The following EPHA6 variants were observed in gnomAD, a reference collection of about 807,000 sequenced individuals.
The protein encoded by EPHA6 is EPH receptor A6.
Under a neutral mutation model 112.0 loss-of-function variants are expected in EPHA6, and 50 were observed. The ratio of observed to expected loss-of-function variants is 0.45; its 90% CI spans 0.36 to 0.56. The LOEUF is 0.56. Among genes scored for constraint, EPHA6 ranks in the 20% least tolerant of loss-of-function variants. The pLI is 0.00. For missense variants in EPHA6, 1,280 were observed against 1,417.4 expected (o/e 0.90, Z 1.56); for synonymous variants, 529 against 490.7 (o/e 1.08, Z -1.03).
chr3:97,711,590 A>C (rs1330940096), intron 14 of EPHA6, among the ~76,000 whole-genome samples: 1 of 152,104 alleles, frequency 6.6e-6, no homozygotes, highest in Non-Finnish European at 1.5e-5. Flanking sequence ...CAAAGTCCAA[A>C]GGTCTAAGAA....
chr3:97,409,839 C>T (rs2087594847), intron 6 of EPHA6, among the ~76,000 whole-genome samples: 1 of 151,938 alleles, frequency 6.6e-6, no homozygotes, highest in Admixed American at 6.6e-5. Context: ...TTTAAGAAAA[C>T]TCATCATGAA....
chr3:97,619,478 T>C (rs1481250380), intron 13 of EPHA6, among the ~76,000 whole-genome samples: 2 of 149,584 alleles, frequency 1.3e-5, no homozygotes, highest in Non-Finnish European at 3.0e-5. Flanking sequence ...GTCAAACTTA[T>C]CCCTGTTTGT....
intron 6 of EPHA6, among the ~76,000 whole-genome samples, chr3:97,415,094 T>A (rs1344971108): frequency 6.6e-6 from 1 of 152,056 alleles, no homozygotes; most frequent in Non-Finnish European, 1.5e-5. Flanking sequence ...CAGTTTATCA[T>A]GCAAACATTG....
At chr3:96,882,403 ATGAG>A (rs2037366729) in intron 2 of EPHA6, among the ~76,000 whole-genome samples, 1 of 152,118 alleles carries the variant, frequency 6.6e-6, no homozygotes. Context: ...GGTTACATGC[ATGAG>A]TAAGTTCTTT....
intron 3 of EPHA6, among the ~76,000 whole-genome samples, chr3:97,223,898 A>G (rs2078275478): frequency 6.6e-6 from 1 of 152,182 alleles, no homozygotes; most frequent in Admixed American, 6.5e-5. Flanking sequence ...GAATGTAATG[A>G]ATAGATTTCT....
chr3:97,747,705 A>G, intron 17 of EPHA6, 133 bp downstream of exon 17: 2 of 695,670 alleles, frequency 2.9e-6, no homozygotes, highest in Non-Finnish European at 4.1e-6. Context: ...TCTGACTATC[A>G]TTCTAGTGGA....
intron 13 of EPHA6, among the ~76,000 whole-genome samples, chr3:97,630,704 G>T (rs559822895): frequency 6.6e-6 from 1 of 152,032 alleles, no homozygotes; most frequent in East Asian, 1.9e-4. Flanking sequence ...AAGATGAAAC[G>T]TCCAATAAGA....
intron 8 of EPHA6, among the ~76,000 whole-genome samples, chr3:97,476,489 G>A (rs77610650): frequency 0.015 from 2,330 of 152,124 alleles, 56 homozygotes; most frequent in African/African-American, 0.052. Context: ...TCAGTGAACC[G>A]AAAACACTAT....
At chr3:97,308,581 A>G (rs1000899735) in intron 5 of EPHA6, among the ~76,000 whole-genome samples, 4 of 151,732 alleles carry the variant, frequency 2.6e-5, no homozygotes, top group African/African-American at 9.7e-5. Context: ...TCTTTCAAAA[A>G]TCCAACTGAA....
intron 3 of EPHA6, among the ~76,000 whole-genome samples, chr3:97,136,544 C>G (rs1191157642): frequency 2.6e-5 from 4 of 151,878 alleles, no homozygotes; most frequent in Admixed American, 1.3e-4. Flanking sequence ...CAGTGAGACC[C>G]CGTCTCTAGA....
At chr3:96,974,205 T>C (rs2042430412) in intron 2 of EPHA6, among the ~76,000 whole-genome samples, 1 of 147,306 alleles carries the variant, frequency 6.8e-6, no homozygotes, top group African/African-American at 2.5e-5. Context: ...ATTAAAATTA[T>C]ATTATTAATT....
At chr3:97,134,207 A>C (rs1328123146) in intron 3 of EPHA6, among the ~76,000 whole-genome samples, 1 of 152,118 alleles carries the variant, frequency 6.6e-6, no homozygotes, top group Non-Finnish European at 1.5e-5. Flanking sequence ...ACATATGAAA[A>C]TAGCAACTCT....
At chr3:97,250,937 G>A (rs1014565911) in intron 5 of EPHA6, among the ~76,000 whole-genome samples, 4 of 151,524 alleles carry the variant, frequency 2.6e-5, no homozygotes, top group African/African-American at 9.7e-5. Context: ...CATGGTCTTG[G>A]CTCACTGCAA....
intron 2 of EPHA6, among the ~76,000 whole-genome samples, chr3:96,959,691 T>C (rs907194387): frequency 6.6e-6 from 1 of 151,984 alleles, no homozygotes; most frequent in Non-Finnish European, 1.5e-5. Flanking sequence ...AAGGAAGGGG[T>C]CTGACTCATT....
At chr3:97,556,936 T>C (rs1378991394) in intron 11 of EPHA6, among the ~76,000 whole-genome samples, 1 of 152,094 alleles carries the variant, frequency 6.6e-6, no homozygotes, top group Non-Finnish European at 1.5e-5. Context: ...TAAAACTGTG[T>C]TATTTTCCAG....
Position 96,841,519 on chromosome 3 carries a change from T to A in EPHA6, c.386-25306T>A, listed in dbSNP as rs1055567809. 2.0e-5 allele frequency among the ~76,000 whole-genome samples: 3 copies of A among 152,034 alleles called. No individual in the cohort carries two copies. The South Asian group carries it at 6.2e-4, about 31-fold the overall frequency. The stretch of plus-strand genomic sequence containing the variant: ...GACTAGTTTGTCCAATGAATGTAGA[T>A]CAGAAGAAATGGGTGTGTTACATTA... On this transcript the variant is annotated intron_variant, in intron 1 of 17. Coordinates refer to ENST00000389672, the MANE Select transcript of EPHA6 (RefSeq NM_001080448.3).
intron 10 of EPHA6, among the ~76,000 whole-genome samples, chr3:97,509,032 T>C (rs2092315270): frequency 7.1e-6 from 1 of 141,096 alleles, no homozygotes; most frequent in Non-Finnish European, 1.5e-5. Flanking sequence ...TGCTTTCCAT[T>C]TGCTTGGGAG....
chr3:97,321,490 A>T (rs771834231), intron 5 of EPHA6, among the ~76,000 whole-genome samples: 38 of 152,026 alleles, frequency 2.5e-4, no homozygotes, highest in Admixed American at 5.9e-4. Flanking sequence ...ATGTAATTTT[A>T]TCATTTAAAT....
intron 5 of EPHA6, among the ~76,000 whole-genome samples, chr3:97,254,157 CAAAT>C (rs2079229735): frequency 1.3e-5 from 2 of 150,836 alleles, no homozygotes; most frequent in Admixed American, 6.6e-5. Flanking sequence ...AAATGCAACT[CAAAT>C]ATATATATAT....
Sources: gnomAD v4.1 joint callset for allele counts (sites outside exome capture counted in the v4.1 genomes callset) on GRCh38, gnomAD v4.1.1 for gene constraint, MANE v1.5 for transcripts, NCBI Gene and HGNC (gene_info 2026-07-23, HGNC 2026-07-21) for gene names.